Variants in ADGRL3 observed in about 807,000 individuals in gnomAD.
The protein encoded by ADGRL3 is calcium-independent alpha-latrotoxin receptor 3.
Under a neutral mutation model 153.5 loss-of-function variants are expected in ADGRL3, and 62 were observed. The ratio of observed to expected loss-of-function variants is 0.40; its 90% CI spans 0.33 to 0.50. The LOEUF is 0.50. Among genes scored for constraint, ADGRL3 ranks in the 20% least tolerant of loss-of-function variants. ADGRL3 has a pLI of 0.47. For missense variants in ADGRL3, 1,641 were observed against 1,859.4 expected, an observed-to-expected ratio of 0.88 and a Z score of 2.16; for synonymous variants, 710 against 672.5, an observed-to-expected ratio of 1.06 and a Z score of -0.86.
At chr4:61,504,466 T>A (rs1288742763) in intron 3 of ADGRL3, among the ~76,000 whole-genome samples, 1 of 152,166 alleles carries the variant, frequency 6.6e-6, no homozygotes, top group Non-Finnish European at 1.5e-5. Context: ...GTAATTAGGG[T>A]GTCTGTCATC....
chr4:61,717,858 A>T (rs1275743556), intron 6 of ADGRL3, among the ~76,000 whole-genome samples: 2 of 151,998 alleles, frequency 1.3e-5, no homozygotes, highest in Non-Finnish European at 2.9e-5. Context: ...ACGTGGTGGA[A>T]CCCCATCTCA....
At chr4:61,654,917 A>G in intron 5 of ADGRL3, among the ~76,000 whole-genome samples, 1 of 152,128 alleles carries the variant, frequency 6.6e-6, no homozygotes. Flanking sequence ...AAGAAAACAG[A>G]AAAAATAAAC....
At position 61,795,780 on chromosome 4, in the gene ADGRL3, A is replaced by G. The variant is rs577205905; in HGVS notation, c.1400-18029A>G. Among the ~76,000 whole-genome samples, 8 of 152,310 alleles carry G rather than the reference A, an allele frequency of 5.3e-5. No individual in the cohort carries two copies. The South Asian group carries it at 1.5e-3, about 28-fold the overall frequency. Reference sequence around the variant, plus strand: ...TTCCGCTTCCCCAAGCAGATTATGCATCAACCATGTTGGCAAATAACAAGC... The same window carrying G: ...TTCCGCTTCCCCAAGCAGATTATGCGTCAACCATGTTGGCAAATAACAAGC... On this transcript the variant is annotated intron_variant, in intron 8 of 26. Coordinates refer to ENST00000683033, the MANE Select transcript of ADGRL3 (RefSeq NM_001387552.1).
At chr4:61,877,681 G>C (rs2098483609) in intron 9 of ADGRL3, among the ~76,000 whole-genome samples, 1 of 152,124 alleles carries the variant, frequency 6.6e-6, no homozygotes, top group Admixed American at 6.5e-5. Context: ...CTGTAGGTTT[G>C]GTTTCTTCTG....
chr4:61,603,346 G>C (rs1157951575), intron 5 of ADGRL3, among the ~76,000 whole-genome samples: 1 of 152,128 alleles, frequency 6.6e-6, no homozygotes, highest in Non-Finnish European at 1.5e-5. Context: ...CTTAGGGAAG[G>C]GTTTCACTAT....
At chr4:61,610,571 T>A (rs893149687) in intron 5 of ADGRL3, among the ~76,000 whole-genome samples, 4 of 152,156 alleles carry the variant, frequency 2.6e-5, no homozygotes, top group Non-Finnish European at 5.9e-5. Context: ...TTTTTCCAAG[T>A]CTAAGATAAT....
At chr4:62,024,507 CATTT>C (rs1223030438) in intron 21 of ADGRL3, among the ~76,000 whole-genome samples, 1 of 151,858 alleles carries the variant, frequency 6.6e-6, no homozygotes, top group Non-Finnish European at 1.5e-5. Flanking sequence ...TAATCTCTGT[CATTT>C]ATAATGTTTA....
At chr4:62,051,012 A>G (rs1217005186) in intron 25 of ADGRL3, among the ~76,000 whole-genome samples, 4 of 151,374 alleles carry the variant, frequency 2.6e-5, no homozygotes, top group Non-Finnish European at 5.9e-5. Context: ...ATTTATGTCT[A>G]GTATGTCTAT....
intron 4 of ADGRL3, among the ~76,000 whole-genome samples, chr4:61,522,809 T>A (rs1406501015): frequency 1.3e-5 from 2 of 152,112 alleles, no homozygotes; most frequent in Non-Finnish European, 2.9e-5. Flanking sequence ...TCACGTCTTA[T>A]CCTTCAGCCA....
At chr4:61,505,590 G>A (rs1579231176) in intron 3 of ADGRL3, among the ~76,000 whole-genome samples, 2 of 151,994 alleles carry the variant, frequency 1.3e-5, no homozygotes, top group South Asian at 4.2e-4. Flanking sequence ...GGTCGAGTCT[G>A]AATATTTTTG....
intron 6 of ADGRL3, among the ~76,000 whole-genome samples, chr4:61,691,518 AG>A (rs2095539403): frequency 6.6e-6 from 1 of 152,162 alleles, no homozygotes; most frequent in African/African-American, 2.4e-5. Context: ...CTTTTGAAAA[AG>A]GTTTATTTCT....
chr4:61,217,741 G>A (rs1462915959), intron 1 of ADGRL3, among the ~76,000 whole-genome samples: 2 of 152,084 alleles, frequency 1.3e-5, no homozygotes, highest in Non-Finnish European at 2.9e-5. Context: ...GTATTGTGAC[G>A]AGGAGAGTTT....
chr4:61,371,451 G>T (rs561426062), intron 1 of ADGRL3, among the ~76,000 whole-genome samples: 64 of 152,000 alleles, frequency 4.2e-4, no homozygotes, highest in African/African-American at 1.4e-3. Context: ...CTCAGCAGTT[G>T]CTTGTCTGTA....
At chr4:61,209,687 C>T (rs1279366158) in intron 1 of ADGRL3, among the ~76,000 whole-genome samples, 2 of 152,048 alleles carry the variant, frequency 1.3e-5, no homozygotes, top group Non-Finnish European at 2.9e-5. Flanking sequence ...GCTACTAATT[C>T]CCCATCAAAA....
chr4:61,802,352 G>A (rs925474811), intron 8 of ADGRL3, among the ~76,000 whole-genome samples: 3 of 152,106 alleles, frequency 2.0e-5, no homozygotes, highest in Admixed American at 6.6e-5. Flanking sequence ...CTTTCAAAGA[G>A]TGAGGCTTGC....
chr4:61,984,536 C>T (rs2099079057), intron 19 of ADGRL3, among the ~76,000 whole-genome samples: 1 of 152,108 alleles, frequency 6.6e-6, no homozygotes, highest in Non-Finnish European at 1.5e-5. Flanking sequence ...CACCTTACTC[C>T]AGCCTGGATG....
intron 13 of ADGRL3, among the ~76,000 whole-genome samples, chr4:61,928,201 G>A (rs1219459288): frequency 6.6e-6 from 1 of 151,996 alleles, no homozygotes; most frequent in Admixed American, 6.6e-5. Context: ...CAATTCATTA[G>A]TATAAATGTA....
intron 5 of ADGRL3, among the ~76,000 whole-genome samples, chr4:61,634,461 G>A (rs902758842): frequency 5.9e-5 from 9 of 152,212 alleles, no homozygotes; most frequent in African/African-American, 2.2e-4. Flanking sequence ...GTGTTTCTCT[G>A]AAAATTAAAT....
chr4:61,772,565 G>A (rs192812424), intron 8 of ADGRL3, among the ~76,000 whole-genome samples: 215 of 152,280 alleles, frequency 1.4e-3, no homozygotes, highest in Non-Finnish European at 1.8e-3. Context: ...ATTTTTATGT[G>A]AGATTTGATG....
Sources: allele counts gnomAD v4.1 joint callset (sites outside exome capture counted in the v4.1 genomes callset), GRCh38; gene constraint gnomAD v4.1.1; transcripts MANE v1.5; gene names NCBI Gene and HGNC (gene_info 2026-07-23, HGNC 2026-07-21).